SPAG16: variants seen among roughly 807,000 people sequenced by gnomAD.
SPAG16 encodes sperm-associated antigen 16 protein.
SPAG16 carries 86 observed loss-of-function variants against 80.4 expected under a neutral mutation model. The observed-to-expected ratio is 1.07, with a 90% CI of 0.90 to 1.28. SPAG16 has a LOEUF of 1.28. SPAG16 is among the 50% of genes most tolerant of loss of function. The pLI, the probability that SPAG16 is intolerant of heterozygous loss-of-function variation, is 0.00. For synonymous variants in SPAG16, 294 were observed against 265.9 expected (o/e 1.11, Z -1.03); for missense variants, 870 against 765.3 (o/e 1.14, Z -1.61).
intron 10 of SPAG16, among the ~76,000 whole-genome samples, chr2:213,702,040 T>A (rs1574863017): frequency 6.6e-6 from 1 of 152,150 alleles, no homozygotes; most frequent in African/African-American, 2.4e-5. Context: ...TAATCAATGC[T>A]CTGTGTCTAG....
intron 10 of SPAG16, among the ~76,000 whole-genome samples, chr2:213,861,927 G>A (rs995305182): frequency 3.9e-5 from 6 of 152,148 alleles, no homozygotes; most frequent in African/African-American, 1.4e-4. Context: ...GCCAATTTAA[G>A]TGGTAATGTA....
At chr2:213,697,718 TTAATACAGTCCAC>T (rs1296777162) in intron 10 of SPAG16, among the ~76,000 whole-genome samples, 2 of 152,176 alleles carry the variant, frequency 1.3e-5, no homozygotes, top group Non-Finnish European at 2.9e-5. Context: ...CAATAGGAAA[TTAATACAGTCCAC>T]TACTTCATTC....
rs558889839 is a variant in SPAG16, at chr2:213,657,261, A to G, written c.1070+167171A>G. ...CTGGCTGGATTTTAAACATACATAA[A>G]TAAGTATGTTTTAAGTCCTTCAATG... is the stretch of plus-strand genomic sequence containing the variant. On this transcript the variant is annotated intron_variant, in intron 10 of 15. Coordinates refer to ENST00000331683, the MANE Select transcript of SPAG16 (RefSeq NM_024532.5). Among the ~76,000 whole-genome samples, 14 of 152,298 alleles carry G rather than the reference A, an allele frequency of 9.2e-5. No homozygotes were observed. In the South Asian group the frequency reaches 2.5e-3, roughly 27 times the overall value.
chr2:214,171,965 T>A (rs1162231014), intron 15 of SPAG16, among the ~76,000 whole-genome samples: 1 of 151,938 alleles, frequency 6.6e-6, no homozygotes, highest in Non-Finnish European at 1.5e-5. Context: ...TATTCATCAC[T>A]TTACGTAATT....
At chr2:213,886,065 G>A (rs1280095600) in intron 11 of SPAG16, among the ~76,000 whole-genome samples, 2 of 151,994 alleles carry the variant, frequency 1.3e-5, no homozygotes, top group East Asian at 3.9e-4. Flanking sequence ...TTCTAAGTAG[G>A]GAAACCCAGC....
intron 10 of SPAG16, among the ~76,000 whole-genome samples, chr2:213,498,958 A>G (rs1406829341): frequency 6.6e-6 from 1 of 152,082 alleles, no homozygotes; most frequent in African/African-American, 2.4e-5. Context: ...TCCAACTTGA[A>G]TTTATCCTTC....
At chr2:213,584,959 T>G (rs2060416679) in intron 10 of SPAG16, among the ~76,000 whole-genome samples, 1 of 151,832 alleles carries the variant, frequency 6.6e-6, no homozygotes, top group African/African-American at 2.4e-5. Context: ...GAGGGTGAGG[T>G]GGGTAGATCA....
chr2:214,156,617 A>G (rs1395296563), intron 15 of SPAG16, among the ~76,000 whole-genome samples: 1 of 152,106 alleles, frequency 6.6e-6, no homozygotes, highest in East Asian at 1.9e-4. Flanking sequence ...ATTTCTACAG[A>G]ACATTTTAAA....
intron 12 of SPAG16, among the ~76,000 whole-genome samples, chr2:214,006,337 TG>T (rs1462066169): frequency 5.3e-5 from 8 of 152,216 alleles, no homozygotes; most frequent in Non-Finnish European, 1.0e-4. Context: ...GTTAAAACAG[TG>T]TCCTTTTAGA....
intron 10 of SPAG16, among the ~76,000 whole-genome samples, chr2:213,578,216 T>C (rs999525610): frequency 7.9e-5 from 12 of 152,136 alleles, no homozygotes; most frequent in Admixed American, 5.2e-4. Context: ...CATGTTTTCT[T>C]TATTGACAAG....
intron 10 of SPAG16, among the ~76,000 whole-genome samples, chr2:213,653,235 C>T (rs575641426): frequency 3.9e-5 from 6 of 152,106 alleles, no homozygotes; most frequent in Non-Finnish European, 7.4e-5. Flanking sequence ...CTTTGGTTAA[C>T]GATATTTTGA....
chr2:213,760,706 TAAG>T (rs1559445993), intron 10 of SPAG16, among the ~76,000 whole-genome samples: 1 of 152,208 alleles, frequency 6.6e-6, no homozygotes, highest in Non-Finnish European at 1.5e-5. Context: ...TCTCTGATCC[TAAG>T]AAGATTGTCT....
chr2:213,528,935 T>C (rs536575705), intron 10 of SPAG16, among the ~76,000 whole-genome samples: 3 of 152,202 alleles, frequency 2.0e-5, no homozygotes, highest in African/African-American at 7.2e-5. Context: ...TCTGAAATTA[T>C]AGATTCTTGA....
intron 6 of SPAG16, among the ~76,000 whole-genome samples, chr2:213,347,992 A>T (rs2065093541): frequency 6.6e-6 from 1 of 152,130 alleles, no homozygotes; most frequent in Admixed American, 6.5e-5. Flanking sequence ...GGGGTGTTAA[A>T]ATCTCCCATT....
At chr2:213,534,775 A>C (rs1450705294) in intron 10 of SPAG16, among the ~76,000 whole-genome samples, 1 of 152,124 alleles carries the variant, frequency 6.6e-6, no homozygotes, top group African/African-American at 2.4e-5. Flanking sequence ...GTCACAAATC[A>C]ACAAACGCTA....
intron 12 of SPAG16, among the ~76,000 whole-genome samples, chr2:213,972,166 C>A (rs1257788116): frequency 6.6e-6 from 1 of 151,578 alleles, no homozygotes; most frequent in Non-Finnish European, 1.5e-5. Flanking sequence ...TGTTGAGCTA[C>A]TTTTCATATG....
At chr2:214,260,432 C>T (rs1421463876) in intron 15 of SPAG16, among the ~76,000 whole-genome samples, 1 of 151,886 alleles carries the variant, frequency 6.6e-6, no homozygotes, top group South Asian at 2.1e-4. Context: ...GTATCTTCTC[C>T]GTTTTCTTCC....
intron 10 of SPAG16, among the ~76,000 whole-genome samples, chr2:213,693,600 A>G (rs2065036092): frequency 6.6e-6 from 1 of 152,030 alleles, no homozygotes; most frequent in Non-Finnish European, 1.5e-5. Context: ...ACCTAACATT[A>G]CTCTTATTTC....
chr2:213,928,870 G>A (rs2078615911), intron 11 of SPAG16, among the ~76,000 whole-genome samples: 1 of 149,722 alleles, frequency 6.7e-6, no homozygotes, highest in Non-Finnish European at 1.5e-5. Context: ...ATGTGTAGAA[G>A]ATGATGGAAG....
Sources: allele counts gnomAD v4.1 joint callset (sites outside exome capture counted in the v4.1 genomes callset), GRCh38; gene constraint gnomAD v4.1.1; transcripts MANE v1.5; gene names NCBI Gene and HGNC (gene_info 2026-07-23, HGNC 2026-07-21).